The following GREB1L variants were observed in gnomAD, a reference collection of about 807,000 sequenced individuals.
GREB1L encodes GREB1 like retinoic acid receptor coactivator.
In GREB1L, 17 loss-of-function variants were observed where a neutral mutation model predicts 200.8. The ratio of observed to expected loss-of-function variants is 0.08; its 90% confidence interval spans 0.06 to 0.13. GREB1L has a LOEUF of 0.13. Ranked by LOEUF, GREB1L falls within the 10% of genes least tolerant of loss-of-function variation. The probability of loss-of-function intolerance (pLI) is 1.00; values close to 1 mark genes in which losing one functional copy is unlikely to be tolerated. For synonymous variants in GREB1L, 789 were observed against 893.0 expected, an observed-to-expected ratio of 0.88 and a Z score of 2.08; for missense variants, 1,657 against 2,367.7, an observed-to-expected ratio of 0.70 and a Z score of 6.23.
At chr18:21,495,064 C>G (rs151253673) in intron 19 of GREB1L, among the ~76,000 whole-genome samples, 288 of 152,146 alleles carry the variant, frequency 1.9e-3, no homozygotes, top group Non-Finnish European at 3.5e-3. Context: ...TTTCTCAATC[C>G]AGGTCTGGTT....
intron 1 of GREB1L, among the ~76,000 whole-genome samples, chr18:21,360,473 G>T (rs1485469782): frequency 1.3e-5 from 2 of 151,940 alleles, no homozygotes; most frequent in East Asian, 3.9e-4. Context: ...TGATCCACTC[G>T]CCTCGGCCTC....
At chr18:21,289,537 TC>T (rs143828172) in intron 1 of GREB1L, among the ~76,000 whole-genome samples, 19 of 150,052 alleles carry the variant, frequency 1.3e-4, no homozygotes, top group East Asian at 3.9e-4. Flanking sequence ...AGTGAGACCA[TC>T]CCCCCCCGCA....
intron 3 of GREB1L, 50 bp downstream of exon 3, chr18:21,383,725 T>G: frequency 6.6e-7 from 1 of 1,521,552 alleles, no homozygotes; most frequent in South Asian, 1.2e-5. Flanking sequence ...TTTGTTTTGT[T>G]TTTTTGAGAT....
At chr18:21,328,423 G>A (rs1194738798) in intron 1 of GREB1L, among the ~76,000 whole-genome samples, 1 of 152,200 alleles carries the variant, frequency 6.6e-6, no homozygotes, top group African/African-American at 2.4e-5. Flanking sequence ...AAACTGACCA[G>A]TGGTCCAGCT....
intron 18 of GREB1L, among the ~76,000 whole-genome samples, chr18:21,489,038 G>C (rs950034100): frequency 6.6e-5 from 10 of 152,198 alleles, no homozygotes; most frequent in African/African-American, 2.4e-4. Flanking sequence ...CCAAGCACCT[G>C]CTTTCTTGAC....
intron 1 of GREB1L, among the ~76,000 whole-genome samples, chr18:21,264,471 G>A (rs1057250762): frequency 7.9e-5 from 12 of 152,136 alleles, no homozygotes; most frequent in Non-Finnish European, 1.5e-4. Context: ...GATATTAAGG[G>A]TGTCATGGAT....
intron 1 of GREB1L, among the ~76,000 whole-genome samples, chr18:21,359,106 G>A (rs1006944125): frequency 1.3e-5 from 2 of 152,148 alleles, no homozygotes; most frequent in Admixed American, 6.5e-5. Context: ...ATGGTTACTC[G>A]GGCAGATTTG....
intron 1 of GREB1L, among the ~76,000 whole-genome samples, chr18:21,251,126 C>T (rs1429617454): frequency 6.6e-6 from 1 of 152,132 alleles, no homozygotes; most frequent in Admixed American, 6.5e-5. Context: ...CGAGACTAGC[C>T]TGGGCAATGT....
chr18:21,303,323 A>G (rs1180697261), intron 1 of GREB1L, among the ~76,000 whole-genome samples: 1 of 152,226 alleles, frequency 6.6e-6, no homozygotes, highest in Non-Finnish European at 1.5e-5. Flanking sequence ...GAAATCACCA[A>G]CTAATCTCTT....
At chr18:21,320,903 A>T in intron 1 of GREB1L, among the ~76,000 whole-genome samples, 1 of 152,246 alleles carries the variant, frequency 6.6e-6, no homozygotes, top group East Asian at 1.9e-4. Flanking sequence ...AAGAGTTCTT[A>T]AAAATTAGAG....
chr18:21,293,208 A>C (rs2038477399), intron 1 of GREB1L, among the ~76,000 whole-genome samples: 1 of 152,188 alleles, frequency 6.6e-6, no homozygotes, highest in African/African-American at 2.4e-5. Context: ...TTGTCTGTGC[A>C]TGTAAGAGAC....
intron 2 of GREB1L, among the ~76,000 whole-genome samples, chr18:21,376,812 CAAAAAAAA>C (rs534144361): frequency 3.1e-3 from 186 of 59,682 alleles, no homozygotes; most frequent in African/African-American, 9.7e-3. Context: ...GAGTCCGTCT[CAAAAAAAA>C]AAAAAAAAAA....
At chr18:21,382,131 G>A (rs865990842) in intron 2 of GREB1L, among the ~76,000 whole-genome samples, 15 of 152,148 alleles carry the variant, frequency 9.9e-5, no homozygotes, top group African/African-American at 3.6e-4. Context: ...GATCACTTGA[G>A]GTCAGGAGTT....
At chr18:21,450,534 A>AT (rs1476115507) in intron 12 of GREB1L, 2 of 152,904 alleles carry the variant, frequency 1.3e-5, no homozygotes, top group African/African-American at 4.8e-5. Flanking sequence ...ATACATTAAT[A>AT]TTTTTTCATT....
chr18:21,326,432 G>A (rs2039023819), intron 1 of GREB1L, among the ~76,000 whole-genome samples: 1 of 152,096 alleles, frequency 6.6e-6, no homozygotes, highest in Non-Finnish European at 1.5e-5. Flanking sequence ...AGGGACCCAG[G>A]CTTTTTCTGT....
intron 1 of GREB1L, among the ~76,000 whole-genome samples, chr18:21,332,811 G>A (rs1230901639): frequency 2.0e-5 from 3 of 152,042 alleles, no homozygotes; most frequent in Admixed American, 2.0e-4. Flanking sequence ...CAGGTGAAGT[G>A]GCTCAACACC....
chr18:21,458,910 C>T (rs1395564221), intron 15 of GREB1L, among the ~76,000 whole-genome samples: 2 of 152,058 alleles, frequency 1.3e-5, no homozygotes, highest in Non-Finnish European at 2.9e-5. Context: ...AATGAGAATA[C>T]TAGCATACTG....
chr18:21,511,098 G>A (rs527775481), intron 27 of GREB1L, among the ~76,000 whole-genome samples: 1 of 152,162 alleles, frequency 6.6e-6, no homozygotes, highest in Admixed American at 6.5e-5. Context: ...CTCCCGGCCG[G>A]GTACAGTGGC....
chr18:21,303,809 A>G (rs2038656739), intron 1 of GREB1L, among the ~76,000 whole-genome samples: 1 of 152,210 alleles, frequency 6.6e-6, no homozygotes, highest in Non-Finnish European at 1.5e-5. Context: ...GTATAATATA[A>G]GGTCATACTT....
Sources: allele counts gnomAD v4.1 joint callset (sites outside exome capture counted in the v4.1 genomes callset), GRCh38; gene constraint gnomAD v4.1.1; transcripts MANE v1.5; gene names NCBI Gene and HGNC (gene_info 2026-07-23, HGNC 2026-07-21).